KPNB1: variants seen among roughly 807,000 people sequenced by gnomAD.
KPNB1 encodes the protein importin subunit beta-1.
Under a neutral mutation model 113.0 loss-of-function variants are expected in KPNB1, and 7 were observed. The observed-to-expected ratio is 0.06, with a 90% CI of 0.04 to 0.12. The LOEUF (loss-of-function observed/expected upper bound fraction) is 0.12, where lower values mean the gene tolerates loss of function less well. Among genes scored for constraint, KPNB1 ranks in the 10% least tolerant of loss-of-function variants. The pLI is 1.00. For synonymous variants in KPNB1, 363 were observed against 378.6 expected (o/e 0.96, Z 0.48); for missense variants, 400 against 1,054.8 (o/e 0.38, Z 8.60).
chr17:47,664,607 T>TA (rs1381322363), intron 8 of KPNB1, among the ~76,000 whole-genome samples: 8 of 152,216 alleles, frequency 5.3e-5, no homozygotes, highest in Admixed American at 2.6e-4. Flanking sequence ...GGATGTATAA[T>TA]TGATACTTTA....
At chr17:47,676,573 C>A in intron 16 of KPNB1, 82 bp downstream of exon 16, 1 of 1,047,776 alleles carries the variant, frequency 9.5e-7, no homozygotes, top group Non-Finnish European at 1.5e-6. Context: ...GTTCTTATAG[C>A]TTAAGTAGTT....
rs1166648701 is a variant in KPNB1 at position 47,675,361 on chromosome 17, G to GTTTTTTTTTTTTTTTTTTTTTTTTTTT, written c.1912+589_1912+590insTTTTTTTTTTTTTTTTTTTTTTTTTTT. On this transcript the variant is annotated intron_variant, in intron 15 of 21. Coordinates refer to ENST00000290158, the MANE Select transcript of KPNB1 (RefSeq NM_002265.6). ...TGCAACGGAGATTGGCAGAGGTGTT[G>GTTTTTTTTTTTTTTTTTTTTTTTTTTT]TTTTTTTTTTGTTTTTTTTTTTTGT... 1.1e-3 allele frequency among the ~76,000 whole-genome samples: 96 copies of GTTTTTTTTTTTTTTTTTTTTTTTTTTT among 88,664 alleles called. 24 individuals are homozygous for GTTTTTTTTTTTTTTTTTTTTTTTTTTT. Among genetic ancestry groups the GTTTTTTTTTTTTTTTTTTTTTTTTTTT allele is most frequent in the Non-Finnish European group, 1.6e-3 (71 of 43,310 alleles). 58.2% of individuals were successfully genotyped at this position (88,664 alleles called of 152,430 possible).
chr17:47,670,937 C>A, intron 12 of KPNB1, 105 bp downstream of exon 12: 1 of 1,009,416 alleles, frequency 9.9e-7, no homozygotes, highest in Non-Finnish European at 1.5e-6. Context: ...TGAGACAGGA[C>A]AAGACTCTAC....
chr17:47,659,055 A>C (rs2030004949), intron 5 of KPNB1, among the ~76,000 whole-genome samples: 1 of 152,198 alleles, frequency 6.6e-6, no homozygotes, highest in Non-Finnish European at 1.5e-5. Flanking sequence ...CCTTAAAAAA[A>C]AGAAAGGAAT....
chr17:47,669,115 C>T (rs1447268586), intron 10 of KPNB1, among the ~76,000 whole-genome samples: 1 of 150,622 alleles, frequency 6.6e-6, no homozygotes, highest in Non-Finnish European at 1.5e-5. Context: ...GGTAGGGAGG[C>T]GGGGGGATGG....
chr17:47,666,037 TTTTTTG>T (rs756897179), intron 9 of KPNB1, among the ~76,000 whole-genome samples: 6 of 151,900 alleles, frequency 3.9e-5, no homozygotes, highest in African/African-American at 7.3e-5. Flanking sequence ...CTCTCAGGGT[TTTTTTG>T]TTTTTGTTTT....
intron 21 of KPNB1, among the ~76,000 whole-genome samples, chr17:47,681,055 T>G (rs9897288): frequency 0.47 from 69,282 of 146,982 alleles, 16,130 homozygotes; most frequent in Non-Finnish European, 0.48. Context: ...AAATGTTTTT[T>G]TGTGTGTGTG....
intron 20 of KPNB1, 152 bp downstream of exon 20, chr17:47,680,286 A>G: frequency 1.3e-6 from 1 of 749,148 alleles, no homozygotes; most frequent in Non-Finnish European, 2.3e-6. Context: ...TCCTGTTTTG[A>G]GTGTTCACAT....
rs2030229916 is a variant in KPNB1 at position 47,665,178 on chromosome 17, T to C, written c.999+20T>C. On this transcript the variant is annotated intron_variant, in intron 9 of 21. Transcript: ENST00000290158. ...AAACAGGTGAGTTACCTTCCAAATA[T>C]AGGTAGGTAAGCTGTGGAACCTTAC... The C allele has an allele frequency of 1.9e-6, 3 of 1,573,202 alleles. No homozygotes were observed. Among genetic ancestry groups the C allele is most frequent in the Non-Finnish European group, 2.6e-6 (3 of 1,142,852 alleles).
chr17:47,673,816 C>T, intron 14 of KPNB1: 2 of 468,506 alleles, frequency 4.3e-6, no homozygotes, highest in Non-Finnish European at 7.7e-6. Context: ...ATCAAACCAA[C>T]TTGACTTCTC....
chr17:47,681,335 C>A (rs973486850), intron 21 of KPNB1, among the ~76,000 whole-genome samples: 2 of 147,366 alleles, frequency 1.4e-5, no homozygotes, highest in Non-Finnish European at 3.0e-5. Context: ...GTGGTGCGAT[C>A]TCAGCTTATT....
intron 21 of KPNB1, among the ~76,000 whole-genome samples, chr17:47,681,686 G>GTTTGTTTTTTTTTTTTT (rs1567896578): frequency 2.1e-5 from 2 of 96,034 alleles, no homozygotes; most frequent in Non-Finnish European, 1.9e-5. Context: ...GGAATTATAG[G>GTTTGTTTTTTTTTTTTT]TTTTTTTTTT....
Position 47,665,106 on chromosome 17 carries a change from A to G in KPNB1, c.947A>G (p.Lys316Arg). 6.2e-7 allele frequency: 1 copy of G among 1,614,222 alleles called. No homozygotes were observed. Among genetic ancestry groups the G allele is most frequent in the Non-Finnish European group, 8.5e-7 (1 of 1,180,032 alleles). Reference sequence around the variant, plus strand: ...GAGCACACCAGCAAGTTTTATGCGAAGGGAGCACTACAGTATCTGGTTCCA... The same window carrying G: ...GAGCACACCAGCAAGTTTTATGCGAGGGGAGCACTACAGTATCTGGTTCCA... Reference protein sequence around the residue: ...PPEHTSKFYAKGALQYLVPIL... With the variant: ...PPEHTSKFYARGALQYLVPIL... Residue 316 changes from lysine (K) to arginine (R), a missense_variant, in exon 9 of 22, where the codon AAG (lysine) becomes AGG (arginine). Transcript: ENST00000290158.
chr17:47,659,898 C>T (rs1378027606), intron 5 of KPNB1, among the ~76,000 whole-genome samples: 5 of 135,636 alleles, frequency 3.7e-5, no homozygotes, highest in Admixed American at 3.6e-4. Context: ...ACTCTGTCTC[C>T]AAAAAAAAAA....
At chr17:47,661,246 T>A in intron 6 of KPNB1, 68 bp downstream of exon 6, 1 of 1,127,222 alleles carries the variant, frequency 8.9e-7, no homozygotes, top group Non-Finnish European at 1.4e-6. Context: ...CTAATATAAG[T>A]TTGAAATACT....
chr17:47,663,688 A>G (rs2030177816), intron 7 of KPNB1, among the ~76,000 whole-genome samples: 1 of 151,844 alleles, frequency 6.6e-6, no homozygotes, highest in Admixed American at 6.6e-5. Flanking sequence ...AACAACCTGC[A>G]TTTTGAAAAT....
At chr17:47,659,926 A>G (rs1387102062) in intron 5 of KPNB1, among the ~76,000 whole-genome samples, 2 of 151,826 alleles carry the variant, frequency 1.3e-5, no homozygotes, top group Admixed American at 6.6e-5. Context: ...ATATATGTAT[A>G]TGTATGTGTA....
At chr17:47,667,562 GTT>G (rs796857460) in intron 9 of KPNB1, among the ~76,000 whole-genome samples, 3 of 142,790 alleles carry the variant, frequency 2.1e-5, no homozygotes, top group Non-Finnish European at 1.5e-5. Flanking sequence ...TTAATACTAT[GTT>G]TTTTTTTTTT....
intron 1 of KPNB1, 50 bp downstream of exon 1, chr17:47,650,334 G>A (rs770998968): frequency 6.2e-7 from 1 of 1,610,900 alleles, no homozygotes; most frequent in African/African-American, 1.3e-5. Context: ...GGTGGGGGAG[G>A]GGAGGCCCGG....
Sources: gnomAD v4.1 joint callset for allele counts (sites outside exome capture counted in the v4.1 genomes callset) on GRCh38, gnomAD v4.1.1 for gene constraint, MANE v1.5 for transcripts, NCBI Gene and HGNC (gene_info 2026-07-23, HGNC 2026-07-21) for gene names.